Variants in KLHL5 observed in about 807,000 individuals in gnomAD.
KLHL5 encodes kelch like family member 5, also known as kelch-like protein 5.
Under a neutral mutation model 77.7 loss-of-function variants are expected in KLHL5, and 48 were observed. The ratio of observed to expected loss-of-function variants is 0.62; its 90% CI spans 0.49 to 0.79. The LOEUF (loss-of-function observed/expected upper bound fraction) is 0.79. Among genes scored for constraint, KLHL5 ranks in the 30% least tolerant of loss-of-function variants. KLHL5 has a pLI of 0.00. For missense variants in KLHL5, 723 were observed against 859.7 expected, an observed-to-expected ratio of 0.84 and a Z score of 1.99; for synonymous variants, 260 against 297.0, an observed-to-expected ratio of 0.88 and a Z score of 1.28.
At chr4:39,094,313 G>T (rs1410034005) in intron 5 of KLHL5, among the ~76,000 whole-genome samples, 2 of 151,338 alleles carry the variant, frequency 1.3e-5, no homozygotes, top group African/African-American at 4.8e-5. Flanking sequence ...AAATATATAG[G>T]AAATATATAA....
chr4:39,059,410 C>T (rs77726462), upstream of KLHL5, among the ~76,000 whole-genome samples: 19 of 152,028 alleles, frequency 1.2e-4, no homozygotes, highest in African/African-American at 4.3e-4. Context: ...AAAGGAAAAC[C>T]AAATGGGATA....
downstream of KLHL5, among the ~76,000 whole-genome samples, chr4:39,130,621 C>A (rs1353006024): frequency 3.3e-5 from 5 of 152,064 alleles, no homozygotes; most frequent in Admixed American, 1.3e-4. Flanking sequence ...GATGCCAATC[C>A]CAGCCAGAAC....
At position 39,121,115 on chromosome 4, in the gene KLHL5, T is replaced by A. The variant is rs1330534144; in HGVS notation, c.*49T>A. On this transcript the variant is annotated 3_prime_UTR_variant, in exon 11 of 11. Transcript: ENST00000504108. ...AAGACACCGTCTTCCTTTATTAATT[T>A]AGTATAATTATTCTATCAATGGATA... The A allele has an allele frequency of 7.5e-7, 1 of 1,332,344 alleles. No homozygotes were observed. Among genetic ancestry groups the A allele is most frequent in the Admixed American group, 1.7e-5 (1 of 59,144 alleles). The allele number at this position is 1,332,344 out of a possible 1,614,324, so 82.5% of individuals were successfully genotyped here.
At chr4:39,132,906 T>C in the KLHL5 span, among the ~76,000 whole-genome samples, 4 of 148,640 alleles carry the variant, frequency 2.7e-5, no homozygotes, top group Non-Finnish European at 4.4e-5. Flanking sequence ...TATTGCTCAC[T>C]ATATTGACTG....
chr4:39,070,420 T>C (rs1372355386), intron 1 of KLHL5, among the ~76,000 whole-genome samples: 6 of 152,208 alleles, frequency 3.9e-5, no homozygotes, highest in Non-Finnish European at 7.3e-5. Flanking sequence ...TTGACCAGTA[T>C]TCTATTTTTT....
intron 10 of KLHL5, 55 bp downstream of exon 10, chr4:39,115,385 T>C (rs777611040): frequency 1.0e-5 from 16 of 1,601,648 alleles, no homozygotes; most frequent in Admixed American, 5.2e-5. Flanking sequence ...AAAACAATTC[T>C]TATGGTAAAA....
chr4:39,072,940 G>GCTCT (rs1176815116), intron 1 of KLHL5, among the ~76,000 whole-genome samples: 1 of 152,008 alleles, frequency 6.6e-6, no homozygotes, highest in Non-Finnish European at 1.5e-5. Context: ...AAAAGAGAGG[G>GCTCT]CTCTAAATGT....
At position 39,062,970 on chromosome 4, in the gene KLHL5, G is replaced by A; in HGVS notation, c.318G>A (p.Leu106=). The part of the protein sequence containing the change: ...TAEDCGGAHW[L]DRPEVDDGTS... ...AAGATTGTGGCGGTGCACATTGGCT[G>A]GATAGACCAGAAGTGGATGATGGCA... Residue 106 remains leucine, a synonymous_variant, in exon 1 of 11, where the codon CTG becomes CTA. Coordinates refer to ENST00000504108, the MANE Select transcript of KLHL5 (RefSeq NM_015990.5). 1.2e-6 allele frequency: 2 copies of A among 1,614,102 alleles called. No homozygotes were observed. Among genetic ancestry groups the A allele is most frequent in the Non-Finnish European group, 1.7e-6 (2 of 1,179,994 alleles).
intron 1 of KLHL5, among the ~76,000 whole-genome samples, chr4:39,046,600 T>C (rs1716210144): frequency 6.6e-6 from 1 of 152,004 alleles, no homozygotes; most frequent in African/African-American, 2.4e-5. Context: ...TAAAATAAAA[T>C]AACAAAGTTT....
At chr4:39,128,916 C>T (rs761896852), downstream of KLHL5, among the ~76,000 whole-genome samples, 11 of 151,914 alleles carry the variant, frequency 7.2e-5, no homozygotes, top group East Asian at 1.9e-4. Context: ...CAGTGAGCTA[C>T]GATCAGCCTG....
the KLHL5 span, among the ~76,000 whole-genome samples, chr4:39,138,531 T>G: frequency 6.6e-6 from 1 of 152,088 alleles, no homozygotes; most frequent in Admixed American, 6.5e-5. Flanking sequence ...ATGTTCTCAC[T>G]TATAAGTAGG....
At chr4:39,077,463 A>G (rs1719170366) in intron 2 of KLHL5, among the ~76,000 whole-genome samples, 2 of 151,172 alleles carry the variant, frequency 1.3e-5, no homozygotes, top group South Asian at 4.2e-4. Flanking sequence ...CTCCGTCTCA[A>G]AAAAAAAAGA....
In KLHL5 at chr4:39,125,906, C is replaced by T. The variant is rs1008415992; in HGVS notation, c.*4840C>T. Among the ~76,000 whole-genome samples, 1 of 152,074 alleles carries T rather than the reference C, an allele frequency of 6.6e-6. No homozygotes were observed. Among genetic ancestry groups the T allele is most frequent in the Non-Finnish European group, 1.5e-5 (1 of 68,022 alleles). ...AATGTCATAACAATAGCATTCTGTA[C>T]GCTTCACTAGGATAAAAACTTCGGA... On this transcript the variant is annotated 3_prime_UTR_variant, in exon 11 of 11. Transcript: ENST00000504108.
chr4:39,065,449 G>A (rs867946577), intron 1 of KLHL5, among the ~76,000 whole-genome samples: 8 of 150,124 alleles, frequency 5.3e-5, no homozygotes, highest in Middle Eastern at 3.5e-3. Context: ...TCTGCCTCCC[G>A]TTCAAGCCAT....
chr4:39,095,076 A>G (rs1282048439), intron 5 of KLHL5, among the ~76,000 whole-genome samples: 1 of 152,222 alleles, frequency 6.6e-6, no homozygotes, highest in African/African-American at 2.4e-5. Flanking sequence ...TTAAAAATCT[A>G]GAAAAATACA....
the KLHL5 span, among the ~76,000 whole-genome samples, chr4:39,133,740 T>C: frequency 6.6e-6 from 1 of 152,130 alleles, no homozygotes; most frequent in South Asian, 2.1e-4. Context: ...CTAGAAACTA[T>C]AGCTCTATAG....
At chr4:39,112,201 T>A (rs558626179) in intron 8 of KLHL5, among the ~76,000 whole-genome samples, 7 of 152,336 alleles carry the variant, frequency 4.6e-5, no homozygotes, top group Admixed American at 4.6e-4. Context: ...TAAAAGACTT[T>A]CAAATTAGTG....
At chr4:39,092,948 T>C in intron 5 of KLHL5, 1 of 376,986 alleles carries the variant, frequency 2.7e-6, no homozygotes, top group South Asian at 2.0e-5. Flanking sequence ...AGTTAGGTTG[T>C]TTCTTAAAAA....
upstream of KLHL5, among the ~76,000 whole-genome samples, chr4:39,061,059 A>G (rs987578636): frequency 1.3e-5 from 2 of 152,078 alleles, no homozygotes; most frequent in Admixed American, 1.3e-4. Context: ...TACCTAAACA[A>G]TGTTTTACTA....
Sources: gnomAD v4.1 joint callset for allele counts (sites outside exome capture counted in the v4.1 genomes callset) on GRCh38, gnomAD v4.1.1 for gene constraint, MANE v1.5 for transcripts, NCBI Gene and HGNC (gene_info 2026-07-23, HGNC 2026-07-21) for gene names.